The following NCOA2 variants were observed in gnomAD, a reference collection of about 807,000 sequenced individuals.
NCOA2 encodes the protein class E basic helix-loop-helix protein 75.
Under a neutral mutation model 145.1 loss-of-function variants are expected in NCOA2, and 21 were observed. The ratio of observed to expected loss-of-function variants is 0.14; its 90% CI spans 0.10 to 0.21. NCOA2 has a LOEUF of 0.21. Ranked by LOEUF, NCOA2 falls within the 10% of genes least tolerant of loss-of-function variation. The pLI, the probability that NCOA2 is intolerant of heterozygous loss-of-function variation, is 1.00. For missense variants in NCOA2, 1,472 were observed against 1,837.6 expected, an observed-to-expected ratio of 0.80 and a Z score of 3.64; for synonymous variants, 619 against 637.5, an observed-to-expected ratio of 0.97 and a Z score of 0.44.
intron 1 of NCOA2, among the ~76,000 whole-genome samples, chr8:70,364,878 G>C (rs1810546806): frequency 6.7e-6 from 1 of 149,058 alleles, no homozygotes; most frequent in Admixed American, 6.7e-5. Flanking sequence ...TAGAGATTCT[G>C]TGGTAGAGAT....
At chr8:70,212,666 G>GC (rs1222169267) in intron 4 of NCOA2, among the ~76,000 whole-genome samples, 1 of 152,142 alleles carries the variant, frequency 6.6e-6, no homozygotes, top group Non-Finnish European at 1.5e-5. Context: ...ACAGATAAGA[G>GC]CAGACAGTTT....
chr8:70,330,466 G>T, intron 1 of NCOA2, among the ~76,000 whole-genome samples: 1 of 151,700 alleles, frequency 6.6e-6, no homozygotes, highest in East Asian at 1.9e-4. Flanking sequence ...AGCTACTCAG[G>T]AGGCTGAGAT....
At chr8:70,197,478 T>G (rs1271474061) in intron 4 of NCOA2, among the ~76,000 whole-genome samples, 2 of 152,216 alleles carry the variant, frequency 1.3e-5, no homozygotes, top group Admixed American at 1.3e-4. Context: ...TAAAAAAGCT[T>G]TAACGATTTC....
rs1261979685 is a variant in NCOA2, at chr8:70,163,514, T to C, written c.783A>G (p.Arg261=). 2 of 1,613,966 alleles carry C rather than the reference T, an allele frequency of 1.2e-6. No individual in the cohort carries two copies. Among genetic ancestry groups the C allele is most frequent in the East Asian group, 4.5e-5 (2 of 44,870 alleles). The change falls in exon 8 of 23, where the codon AGA becomes AGG. Residue 261 remains arginine, a synonymous_variant. Transcript: ENST00000452400. ...AACTTTCTGATGAGGGAAGAACTGGTCTTTCCTTCATGGGAACTCTTCTTG... is the reference window on the plus strand; with the variant it reads ...AACTTTCTGATGAGGGAAGAACTGGCCTTTCCTTCATGGGAACTCTTCTTG... The part of the protein sequence containing the change: ...CVARRVPMKE[R]PVLPSSESFT...
intron 2 of NCOA2, among the ~76,000 whole-genome samples, 200 bp downstream of exon 2, chr8:70,296,544 T>G (rs1018015803): frequency 6.6e-6 from 1 of 152,222 alleles, no homozygotes; most frequent in Non-Finnish European, 1.5e-5. Context: ...TAAACAGATA[T>G]GAGCATTTTA....
intron 2 of NCOA2, among the ~76,000 whole-genome samples, chr8:70,239,536 T>A (rs996147439): frequency 6.6e-6 from 1 of 152,146 alleles, no homozygotes; most frequent in Non-Finnish European, 1.5e-5. Context: ...AACCTGCTGA[T>A]ATAAGGCAGC....
intron 1 of NCOA2, among the ~76,000 whole-genome samples, chr8:70,381,506 G>A (rs1451909700): frequency 6.6e-6 from 1 of 152,108 alleles, no homozygotes; most frequent in Non-Finnish European, 1.5e-5. Flanking sequence ...CCCTACGAAG[G>A]TATAATACTA....
chr8:70,260,166 G>T (rs962796850), intron 2 of NCOA2, among the ~76,000 whole-genome samples: 1 of 152,132 alleles, frequency 6.6e-6, no homozygotes. Context: ...GACAATGGAA[G>T]TGAGTTTCTG....
intron 2 of NCOA2, chr8:70,245,496 G>A (rs556880833): frequency 3.9e-5 from 6 of 152,106 alleles, no homozygotes; most frequent in African/African-American, 1.4e-4. Flanking sequence ...CTGCTATTAA[G>A]GGAATGTCTT....
intron 1 of NCOA2, among the ~76,000 whole-genome samples, chr8:70,355,654 A>G (rs1809622618): frequency 6.6e-6 from 1 of 151,854 alleles, no homozygotes; most frequent in South Asian, 2.1e-4. Context: ...TCTTCTTTCA[A>G]TGTGGGGGAA....
At chr8:70,240,779 T>C (rs1822059312) in intron 2 of NCOA2, among the ~76,000 whole-genome samples, 1 of 151,990 alleles carries the variant, frequency 6.6e-6, no homozygotes, top group Non-Finnish European at 1.5e-5. Flanking sequence ...ATGACTAAGA[T>C]GATGTGACCA....
At chr8:70,125,340 C>T (rs758115195) in intron 19 of NCOA2, among the ~76,000 whole-genome samples, 29 of 152,244 alleles carry the variant, frequency 1.9e-4, no homozygotes, top group Admixed American at 6.5e-4. Context: ...TAGTTCACTG[C>T]AGCCTTGACC....
chr8:70,320,268 A>C (rs1283632306), intron 1 of NCOA2, among the ~76,000 whole-genome samples: 2 of 152,164 alleles, frequency 1.3e-5, no homozygotes, highest in African/African-American at 4.8e-5. Flanking sequence ...AAGAAACTAC[A>C]TTATGAGAAA....
At chr8:70,291,695 T>C (rs1281305259) in intron 2 of NCOA2, among the ~76,000 whole-genome samples, 2 of 152,178 alleles carry the variant, frequency 1.3e-5, no homozygotes, top group South Asian at 2.1e-4. Context: ...AAGAGCACAC[T>C]CTGAGAGCTC....
At chr8:70,426,780 C>A in the NCOA2 span, among the ~76,000 whole-genome samples, 4 of 152,154 alleles carry the variant, frequency 2.6e-5, no homozygotes, top group Non-Finnish European at 4.4e-5. Context: ...GGATGAGACA[C>A]TACAAAACTC....
At chr8:70,239,562 T>C (rs541719610) in intron 2 of NCOA2, among the ~76,000 whole-genome samples, 1 of 152,152 alleles carries the variant, frequency 6.6e-6, no homozygotes, top group East Asian at 1.9e-4. Flanking sequence ...TCCATCTCCT[T>C]ACACAGAAGA....
rs1413365916 is a variant in NCOA2 at position 70,110,923 on chromosome 8, T to A, written c.*2709A>T. 4.5e-6 allele frequency: 1 copy of A among 221,412 alleles called. No homozygotes were observed. The highest frequency in any genetic ancestry group is 9.0e-6 in the Non-Finnish European group (1 of 110,684). 13.7% of individuals were successfully genotyped at this position (221,412 alleles called of 1,614,324 possible). The stretch of plus-strand genomic sequence containing the variant: ...TTAGTAATATAAGTGAAACACTGAT[T>A]ATTTGTTCTATTAAACAAAAACCAA... On this transcript the variant is annotated 3_prime_UTR_variant, in exon 23 of 23. Transcript: ENST00000452400.
At chr8:70,257,164 C>T (rs569322463) in intron 2 of NCOA2, among the ~76,000 whole-genome samples, 2 of 152,150 alleles carry the variant, frequency 1.3e-5, no homozygotes, top group South Asian at 4.1e-4. Flanking sequence ...TAAACTCACA[C>T]CAGTTGAGTC....
At chr8:70,448,139 G>C in the NCOA2 span, among the ~76,000 whole-genome samples, 1 of 133,828 alleles carries the variant, frequency 7.5e-6, no homozygotes, top group Non-Finnish European at 1.8e-5. Flanking sequence ...CTGAACAAAG[G>C]GATAAAATGG....
Sources: gnomAD v4.1 joint callset for allele counts (sites outside exome capture counted in the v4.1 genomes callset) on GRCh38, gnomAD v4.1.1 for gene constraint, MANE v1.5 for transcripts, NCBI Gene and HGNC (gene_info 2026-07-23, HGNC 2026-07-21) for gene names.